APBA1: variants seen among roughly 807,000 people sequenced by gnomAD.
The protein encoded by APBA1 is amyloid beta precursor protein binding family A member 1.
A neutral mutation model predicts 86.6 loss-of-function variants in APBA1; 55 were observed. The observed-to-expected ratio is 0.64, with a 90% CI of 0.51 to 0.80. The LOEUF is 0.80. Among genes scored for constraint, APBA1 ranks in the 30% least tolerant of loss-of-function variants. The pLI is 0.00. For missense variants in APBA1, 1,090 were observed against 1,183.0 expected, an observed-to-expected ratio of 0.92 and a Z score of 1.15; for synonymous variants, 511 against 493.9, an observed-to-expected ratio of 1.03 and a Z score of -0.46.
intron 1 of APBA1, among the ~76,000 whole-genome samples, chr9:69,553,565 T>C (rs1564075496): frequency 6.6e-6 from 1 of 152,232 alleles, no homozygotes; most frequent in Non-Finnish European, 1.5e-5. Flanking sequence ...TTTTTCACTG[T>C]TGAGCAGTAT....
intron 1 of APBA1, among the ~76,000 whole-genome samples, chr9:69,567,497 A>C (rs996954878): frequency 6.6e-6 from 1 of 152,048 alleles, no homozygotes; most frequent in African/African-American, 2.4e-5. Flanking sequence ...ATATGTATAC[A>C]TGTGCCATGT....
chr9:69,552,739 C>G (rs1365434281), intron 1 of APBA1, among the ~76,000 whole-genome samples: 1 of 152,178 alleles, frequency 6.6e-6, no homozygotes, highest in African/African-American at 2.4e-5. Context: ...GGAAGCTACC[C>G]TGACAGGTTT....
intron 1 of APBA1, among the ~76,000 whole-genome samples, chr9:69,665,781 C>T (rs576950413): frequency 1.3e-5 from 2 of 152,286 alleles, no homozygotes; most frequent in East Asian, 1.9e-4. Flanking sequence ...GACAGAATCA[C>T]GCTTTGTTTT....
Position 69,516,585 on chromosome 9 carries a change from G to T in APBA1, c.626C>A (p.Ala209Glu). ...CTCGTAGAGCCGCAGGCCGTCGCGT[G>T]CGTCCAGCTCGGGCGCGTCCCCTAT... ...EEIGDAPELD[A>E]RDGLRLYEQE... The change falls in exon 2 of 13, where the codon GCA (alanine) becomes GAA (glutamate). Residue 209 changes from alanine (A) to glutamate (E), a missense_variant. Ala to Glu is a moderately radical substitution (Grantham distance 107). This residue lies in a region of APBA1 where 678 missense variants were observed against 647.1 expected (regional missense o/e 1.05). Transcript: ENST00000265381. The surrounding 1 kb of genome is among the most constrained non-coding windows in gnomAD (Gnocchi z 7.3). The T allele has an allele frequency of 6.2e-7, 1 of 1,602,840 alleles. No individual in the cohort carries two copies.
At chr9:69,587,747 C>T (rs768111442) in intron 1 of APBA1, among the ~76,000 whole-genome samples, 28 of 152,136 alleles carry the variant, frequency 1.8e-4, no homozygotes, top group Admixed American at 1.3e-3. Flanking sequence ...GATATTGGCC[C>T]GGCGTGGTGG....
intron 1 of APBA1, among the ~76,000 whole-genome samples, chr9:69,560,840 A>G (rs2133938025): frequency 6.6e-6 from 1 of 152,290 alleles, no homozygotes; most frequent in Admixed American, 6.5e-5. Flanking sequence ...AAAGTTTTAG[A>G]TTTTGGAGCA....
At chr9:69,501,160 C>T (rs1835874332) in intron 2 of APBA1, among the ~76,000 whole-genome samples, 1 of 152,032 alleles carries the variant, frequency 6.6e-6, no homozygotes, top group South Asian at 2.1e-4. Flanking sequence ...AGAAAAACTG[C>T]AAGTGGAACT....
chr9:69,544,625 C>T (rs1024049172), intron 1 of APBA1, among the ~76,000 whole-genome samples: 2 of 152,166 alleles, frequency 1.3e-5, no homozygotes, highest in Non-Finnish European at 2.9e-5. Context: ...ATAGGGACTC[C>T]TCCCACAAAA....
chr9:69,548,499 T>G (rs1278157124), intron 1 of APBA1, among the ~76,000 whole-genome samples: 4 of 152,236 alleles, frequency 2.6e-5, no homozygotes, highest in African/African-American at 7.2e-5. Context: ...GGCTGCAAGC[T>G]CTTCCGAAAT....
At chr9:69,661,882 G>A (rs143320134) in intron 1 of APBA1, among the ~76,000 whole-genome samples, 1 of 152,064 alleles carries the variant, frequency 6.6e-6, no homozygotes, top group Non-Finnish European at 1.5e-5. Context: ...AGCAGCATGA[G>A]ACCCTTACCA....
At chr9:69,492,663 T>C (rs76373940) in intron 2 of APBA1, among the ~76,000 whole-genome samples, 6,808 of 152,040 alleles carry the variant, frequency 0.045, 539 homozygotes, top group African/African-American at 0.15. Flanking sequence ...TTTCCAAATG[T>C]AAGAGTTGAG....
intron 1 of APBA1, among the ~76,000 whole-genome samples, chr9:69,567,993 C>T (rs1299225295): frequency 6.6e-6 from 1 of 152,192 alleles, no homozygotes; most frequent in African/African-American, 2.4e-5. Context: ...CTCCCATCAC[C>T]ACTCCCAAAA....
chr9:69,658,268 C>CTTTCTTTCTTTCTT (rs1251647558), intron 1 of APBA1, among the ~76,000 whole-genome samples: 1 of 88,344 alleles, frequency 1.1e-5, no homozygotes, highest in East Asian at 3.4e-4. Flanking sequence ...TTCTTTCTTT[C>CTTTCTTTCTTTCTT]TTTCTTTCTT....
At chr9:69,450,068 T>G (rs911184922) in intron 9 of APBA1, among the ~76,000 whole-genome samples, 16 of 148,320 alleles carry the variant, frequency 1.1e-4, no homozygotes, top group South Asian at 4.3e-4. Flanking sequence ...TTTTTTTTTT[T>G]TTTTTTTTTT....
intron 3 of APBA1, among the ~76,000 whole-genome samples, chr9:69,475,223 A>G (rs1835424116): frequency 6.6e-6 from 1 of 152,212 alleles, no homozygotes; most frequent in African/African-American, 2.4e-5. Context: ...AATGCTCCAC[A>G]TAAGCAAGGC....
chr9:69,457,556 T>C (rs1040359196), intron 6 of APBA1, among the ~76,000 whole-genome samples: 2 of 152,098 alleles, frequency 1.3e-5, no homozygotes, highest in South Asian at 4.1e-4. Context: ...ACAATGTTTA[T>C]AGCAGCTGCA....
intron 1 of APBA1, among the ~76,000 whole-genome samples, chr9:69,658,294 TTCTC>T (rs774468066): frequency 2.2e-5 from 1 of 44,522 alleles, no homozygotes; most frequent in African/African-American, 7.2e-5. Flanking sequence ...CTCTCTCTCT[TTCTC>T]TCTCTCTCTT....
At chr9:69,525,496 A>G (rs1470203598) in intron 1 of APBA1, among the ~76,000 whole-genome samples, 1 of 148,084 alleles carries the variant, frequency 6.8e-6, no homozygotes, top group Non-Finnish European at 1.5e-5. Context: ...TGTGCCCCCC[A>G]CCCCCCAAAA....
At chr9:69,545,023 G>A (rs1181045755) in intron 1 of APBA1, among the ~76,000 whole-genome samples, 1 of 152,210 alleles carries the variant, frequency 6.6e-6, no homozygotes, top group Non-Finnish European at 1.5e-5. Context: ...CCTAGGACCT[G>A]TTTCTTCCCC....
Sources: allele counts gnomAD v4.1 joint callset (sites outside exome capture counted in the v4.1 genomes callset), GRCh38; gene constraint gnomAD v4.1.1; regional missense constraint gnomAD v4.1.1; non-coding constraint Gnocchi (gnomAD v3.1); transcripts MANE v1.5; gene names NCBI Gene and HGNC (gene_info 2026-07-23, HGNC 2026-07-21).